Variants in MATR3 observed in about 807,000 individuals in gnomAD.
The protein encoded by MATR3 is matrin-3.
Under a neutral mutation model 85.5 loss-of-function variants are expected in MATR3, and 4 were observed. That is an observed-to-expected ratio of 0.05 (90% CI 0.02 to 0.11). The LOEUF (loss-of-function observed/expected upper bound fraction) is 0.11, where lower values mean the gene tolerates loss of function less well. MATR3 is among the 10% of genes least tolerant of loss of function. The pLI is 1.00. For missense variants in MATR3, 685 were observed against 1,016.1 expected (o/e 0.67, Z 4.43); for synonymous variants, 336 against 343.1 (o/e 0.98, Z 0.23).
chr5:139,274,249 G>A, intron 1 of MATR3: 1 of 356,302 alleles, frequency 2.8e-6, no homozygotes, highest in Non-Finnish European at 5.5e-6. Context: ...CGGGGCACGG[G>A]ACGAAATTGG....
intron 2 of MATR3, chr5:139,312,370 T>A (rs1278430493): frequency 6.6e-6 from 1 of 152,208 alleles, no homozygotes; most frequent in African/African-American, 2.4e-5. Flanking sequence ...AGTGCTGGGA[T>A]CGTATGCGTG....
intron 1 of MATR3, among the ~76,000 whole-genome samples, chr5:139,300,358 CTG>C (rs1754376417): frequency 6.6e-6 from 1 of 152,148 alleles, no homozygotes; most frequent in Admixed American, 6.5e-5. Context: ...GTGCGAGACT[CTG>C]TCTCAAAAAC....
chr5:139,316,954 C>CT (rs1755279362), intron 5 of MATR3, 99 bp from the exon 6 acceptor site: 2 of 893,100 alleles, frequency 2.2e-6, no homozygotes, highest in Non-Finnish European at 3.7e-6. Context: ...TTTGTAAGAG[C>CT]TTTTCATTTG....
At chr5:139,275,372 A>G (rs1753237077) in intron 1 of MATR3, among the ~76,000 whole-genome samples, 1 of 151,532 alleles carries the variant, frequency 6.6e-6, no homozygotes, top group Admixed American at 6.6e-5. Context: ...CCTCACATCC[A>G]ATACTGCAGT....
chr5:139,321,833 A>G, intron 9 of MATR3, 65 bp from the exon 10 acceptor site: 5 of 1,533,580 alleles, frequency 3.3e-6, no homozygotes, highest in Non-Finnish European at 4.5e-6. Context: ...TAGAATACAT[A>G]ATAAGGTTTT....
At chr5:139,287,316 G>T (rs892602370) in intron 3 of MATR3, among the ~76,000 whole-genome samples, 1 of 152,072 alleles carries the variant, frequency 6.6e-6, no homozygotes, top group African/African-American at 2.4e-5. Context: ...CTCTATTCTG[G>T]CATTGAAAGT....
intron 2 of MATR3, among the ~76,000 whole-genome samples, chr5:139,309,041 A>G (rs949924320): frequency 6.6e-6 from 1 of 152,308 alleles, no homozygotes; most frequent in South Asian, 2.1e-4. Context: ...TGTGTTCCTC[A>G]TAAACAAATT....
chr5:139,325,243 A>C, intron 12 of MATR3, 197 bp from the exon 13 acceptor site: 1 of 1,544,720 alleles, frequency 6.5e-7, no homozygotes, highest in South Asian at 1.2e-5. Context: ...TAAAGCAGAC[A>C]GAAGGGATGC....
chr5:139,309,478 C>G (rs1182325503), intron 2 of MATR3, among the ~76,000 whole-genome samples: 1 of 151,886 alleles, frequency 6.6e-6, no homozygotes, highest in African/African-American at 2.4e-5. Flanking sequence ...TTTTAGTAGA[C>G]TAAATCATAC....
intron 1 of MATR3, chr5:139,294,250 C>T (rs1032946015): frequency 4.9e-6 from 2 of 406,772 alleles, no homozygotes; most frequent in African/African-American, 2.1e-5. Flanking sequence ...GGGGGCTTGC[C>T]GTTTGAGGAG....
intron 1 of MATR3, among the ~76,000 whole-genome samples, chr5:139,298,219 A>G (rs775278247): frequency 5.3e-5 from 8 of 152,232 alleles, no homozygotes; most frequent in Admixed American, 3.3e-4. Flanking sequence ...GAAAATTAAA[A>G]GTCAATTATT....
intron 2 of MATR3, chr5:139,278,264 A>G (rs185354419): frequency 1.1e-5 from 5 of 451,982 alleles, no homozygotes; most frequent in East Asian, 7.0e-5. Context: ...CACACACACA[A>G]TGCATTGCTA....
chr5:139,322,366 G>A (rs1043139483), intron 10 of MATR3, 97 bp from the exon 11 acceptor site: 3 of 1,133,998 alleles, frequency 2.6e-6, no homozygotes, highest in African/African-American at 3.0e-5. Context: ...AATTGAATAA[G>A]CTGAGTTGAT....
chr5:139,299,442 G>A (rs528485641), intron 1 of MATR3, among the ~76,000 whole-genome samples: 6 of 152,306 alleles, frequency 3.9e-5, no homozygotes, highest in African/African-American at 1.2e-4. Context: ...GGGAGGCTGA[G>A]GGAGGAGGAT....
intron 1 of MATR3, among the ~76,000 whole-genome samples, chr5:139,296,952 C>T (rs963626617): frequency 6.6e-6 from 1 of 152,172 alleles, no homozygotes; most frequent in Admixed American, 6.5e-5. Context: ...GGCGGATCAT[C>T]TGAGGTAAAG....
intron 2 of MATR3, among the ~76,000 whole-genome samples, chr5:139,309,059 T>C (rs1754842537): frequency 6.6e-6 from 1 of 152,238 alleles, no homozygotes; most frequent in African/African-American, 2.4e-5. Flanking sequence ...ATTCTTTTTC[T>C]GAGTTAGGCT....
At chr5:139,304,276 A>G (rs533744859) in intron 1 of MATR3, among the ~76,000 whole-genome samples, 1 of 152,248 alleles carries the variant, frequency 6.6e-6, no homozygotes, top group South Asian at 2.1e-4. Context: ...TGAGAGGACG[A>G]GGCAGGGGGA....
chr5:139,321,011 C>T (rs1197176624), intron 9 of MATR3, among the ~76,000 whole-genome samples: 1 of 151,708 alleles, frequency 6.6e-6, no homozygotes, highest in Non-Finnish European at 1.5e-5. Context: ...CCGTCTCGGC[C>T]TCCCAAAGTG....
At chr5:139,306,286 A>G (rs773771516) in intron 1 of MATR3, among the ~76,000 whole-genome samples, 15 of 152,332 alleles carry the variant, frequency 9.8e-5, no homozygotes, top group Middle Eastern at 3.4e-3. Context: ...GATCATAATC[A>G]GAACATAAAT....
Sources: gnomAD v4.1 joint callset for allele counts (sites outside exome capture counted in the v4.1 genomes callset) on GRCh38, gnomAD v4.1.1 for gene constraint, MANE v1.5 for transcripts, NCBI Gene and HGNC (gene_info 2026-07-23, HGNC 2026-07-21) for gene names.